AK5: variants seen among roughly 807,000 people sequenced by gnomAD.
AK5 encodes adenylate kinase 5, also known as adenylate kinase isoenzyme 5.
In AK5, 27 loss-of-function variants were observed where a neutral mutation model predicts 69.5. The ratio of observed to expected loss-of-function variants is 0.39; its 90% CI spans 0.29 to 0.54. The LOEUF is 0.54. Ranked by LOEUF, AK5 falls within the 20% of genes least tolerant of loss-of-function variation. The pLI, the probability that AK5 is intolerant of heterozygous loss-of-function variation, is 0.71. For missense variants in AK5, 531 were observed against 700.4 expected, an observed-to-expected ratio of 0.76 and a Z score of 2.73; for synonymous variants, 260 against 244.4, an observed-to-expected ratio of 1.06 and a Z score of -0.60.
chr1:77,529,334 G>GTT (rs935476152), intron 12 of AK5, among the ~76,000 whole-genome samples: 22 of 137,998 alleles, frequency 1.6e-4, no homozygotes, highest in African/African-American at 2.4e-4. Flanking sequence ...CGTTTTATAG[G>GTT]TTTTTTTTTT....
In AK5 at chr1:77,297,681, T is replaced by C; in HGVS notation, c.538T>C (p.Trp180Arg). The C allele has an allele frequency of 6.2e-7, 1 of 1,613,812 alleles. No individual in the cohort carries two copies. The highest frequency in any genetic ancestry group is 8.5e-7 in the Non-Finnish European group (1 of 1,179,900). ...CCACAGTACCAGCAGCAATAGGAAA[T>C]GGAGTCTTATTGCCAAGATAATTAC... ...KIHSTSSNRK[W>R]SLIAKIITTG... Residue 180 changes from tryptophan (W) to arginine (R), a missense_variant, in exon 4 of 14, where the codon TGG becomes CGG. Physicochemically the swap from Trp to Arg is moderately radical, Grantham distance 101. Coordinates refer to ENST00000354567, the MANE Select transcript of AK5 (RefSeq NM_174858.3).
At chr1:77,550,833 A>C (rs1659786995) in intron 13 of AK5, among the ~76,000 whole-genome samples, 1 of 152,216 alleles carries the variant, frequency 6.6e-6, no homozygotes, top group Non-Finnish European at 1.5e-5. Flanking sequence ...GAGAGTAGAT[A>C]AAAGGTTTTG....
At chr1:77,477,319 C>T (rs1655007528) in intron 8 of AK5, among the ~76,000 whole-genome samples, 1 of 152,184 alleles carries the variant, frequency 6.6e-6, no homozygotes, top group African/African-American at 2.4e-5. Context: ...TGAGCCACCA[C>T]ATCTGGCCTG....
chr1:77,542,967 C>A (rs12724560), intron 13 of AK5, among the ~76,000 whole-genome samples: 105,288 of 152,038 alleles, frequency 0.69, 37,267 homozygotes, highest in Non-Finnish European at 0.77. Flanking sequence ...TGCAGACAGA[C>A]AATCAAGTTC....
chr1:77,368,366 A>G (rs1289722639), intron 6 of AK5, among the ~76,000 whole-genome samples: 1 of 136,832 alleles, frequency 7.3e-6, no homozygotes, highest in South Asian at 2.3e-4. Flanking sequence ...GTATATATAT[A>G]CACACACACA....
intron 13 of AK5, among the ~76,000 whole-genome samples, chr1:77,552,243 C>T (rs1007710016): frequency 6.6e-6 from 1 of 152,168 alleles, no homozygotes; most frequent in African/African-American, 2.4e-5. Context: ...TGACTCCCAG[C>T]CTGCTCTTTG....
chr1:77,450,675 C>T (rs1653088906), intron 8 of AK5, among the ~76,000 whole-genome samples: 2 of 152,174 alleles, frequency 1.3e-5, no homozygotes, highest in Non-Finnish European at 2.9e-5. Context: ...CAACCTTCTG[C>T]TAACCCCCTC....
intron 5 of AK5, among the ~76,000 whole-genome samples, chr1:77,333,097 G>A (rs1253384147): frequency 2.6e-5 from 4 of 152,024 alleles, no homozygotes; most frequent in Non-Finnish European, 5.9e-5. Context: ...CTACTGCTGT[G>A]TTTGATATTT....
chr1:77,363,124 C>G (rs938207320), intron 6 of AK5, among the ~76,000 whole-genome samples: 1 of 152,164 alleles, frequency 6.6e-6, no homozygotes, highest in East Asian at 1.9e-4. Flanking sequence ...TAATAGGCGT[C>G]TCAGGTGTAA....
rs192239561 is a variant in AK5, at chr1:77,353,410, G to A, written c.891+12842G>A. Among the ~76,000 whole-genome samples the A allele has an allele frequency of 1.7e-4, 26 of 152,172 alleles. 1 individual carries two copies. Among genetic ancestry groups the A allele is most frequent in the South Asian group, 8.3e-4 (4 of 4,816 alleles). The stretch of plus-strand genomic sequence containing the variant: ...GGAGAATCGCTTGAACCCAGGAGGC[G>A]GATGTTGCAGTGAGCCAAAATCGTG... On this transcript the variant is annotated intron_variant, in intron 6 of 13. Coordinates refer to ENST00000354567, the MANE Select transcript of AK5 (RefSeq NM_174858.3).
At chr1:77,543,385 ACT>A (rs1659376650) in intron 13 of AK5, among the ~76,000 whole-genome samples, 1 of 152,168 alleles carries the variant, frequency 6.6e-6, no homozygotes, top group South Asian at 2.1e-4. Context: ...GGCTAAAGTA[ACT>A]CAACTAATTT....
chr1:77,352,508 TC>T (rs1038161211), intron 6 of AK5, among the ~76,000 whole-genome samples: 1 of 152,176 alleles, frequency 6.6e-6, no homozygotes, highest in African/African-American at 2.4e-5. Context: ...AGAACTTATG[TC>T]CAAGTAGAGT....
chr1:77,423,200 A>C (rs182078441), intron 8 of AK5, among the ~76,000 whole-genome samples: 1 of 148,502 alleles, frequency 6.7e-6, no homozygotes, highest in South Asian at 2.1e-4. Context: ...CTGCCTGGGC[A>C]ACAGAGCAAG....
intron 5 of AK5, among the ~76,000 whole-genome samples, chr1:77,324,122 TGG>T (rs1660667210): frequency 6.6e-6 from 1 of 152,180 alleles, no homozygotes; most frequent in Non-Finnish European, 1.5e-5. Context: ...TGTAGAGCCT[TGG>T]CAATCTACCC....
intron 13 of AK5, among the ~76,000 whole-genome samples, chr1:77,558,340 T>A (rs1660229511): frequency 6.6e-6 from 1 of 152,248 alleles, no homozygotes; most frequent in South Asian, 2.1e-4. Context: ...TTCCTATTGC[T>A]CCATGTCCTC....
At chr1:77,291,573 T>G (rs937181141) in intron 2 of AK5, among the ~76,000 whole-genome samples, 47 of 152,228 alleles carry the variant, frequency 3.1e-4, no homozygotes, top group Admixed American at 2.6e-3. Context: ...TTCAGGGACC[T>G]CCATATTGAA....
Position 77,558,735 on chromosome 1 carries a change from A to G in AK5, c.*65A>G. On this transcript the variant is annotated 3_prime_UTR_variant, in exon 14 of 14. Transcript: ENST00000354567. Reference sequence around the variant, plus strand: ...CATTAAAAAGTTCATTCCTTAACACAATGTTTCAAGTTAAACCTTTTGTGT... The same window carrying G: ...CATTAAAAAGTTCATTCCTTAACACGATGTTTCAAGTTAAACCTTTTGTGT... 1 of 1,189,562 alleles carries G rather than the reference A, an allele frequency of 8.4e-7. No individual in the cohort carries two copies. Among genetic ancestry groups the G allele is most frequent in the South Asian group, 1.3e-5 (1 of 79,790 alleles). The allele number at this position is 1,189,562 out of a possible 1,614,324, so 73.7% of individuals were successfully genotyped here.
intron 13 of AK5, among the ~76,000 whole-genome samples, chr1:77,555,675 T>C (rs372268419): frequency 1.3e-5 from 2 of 152,374 alleles, no homozygotes; most frequent in African/African-American, 4.8e-5. Context: ...TTTATCATTT[T>C]AAATGATGAC....
chr1:77,429,358 A>G (rs1439973761), intron 8 of AK5, among the ~76,000 whole-genome samples: 1 of 152,156 alleles, frequency 6.6e-6, no homozygotes, highest in Non-Finnish European at 1.5e-5. Context: ...GCCAGTGATG[A>G]TGAGCACTTT....
Sources: allele counts gnomAD v4.1 joint callset (sites outside exome capture counted in the v4.1 genomes callset), GRCh38; gene constraint gnomAD v4.1.1; transcripts MANE v1.5; gene names NCBI Gene and HGNC (gene_info 2026-07-23, HGNC 2026-07-21).